The following MRPL48 variants were observed in gnomAD, a reference collection of about 807,000 sequenced individuals.
The protein encoded by MRPL48 is large ribosomal subunit protein mL48.
MRPL48 carries 16 observed loss-of-function variants against 32.9 expected under a neutral mutation model. That is an observed-to-expected ratio of 0.49 (90% confidence interval 0.33 to 0.74). The LOEUF (loss-of-function observed/expected upper bound fraction) is 0.74. Among genes scored for constraint, MRPL48 ranks in the 30% least tolerant of loss-of-function variants. The pLI is 0.02. For synonymous variants in MRPL48, 94 were observed against 89.2 expected, an observed-to-expected ratio of 1.05 and a Z score of -0.31; for missense variants, 206 against 245.3, an observed-to-expected ratio of 0.84 and a Z score of 1.07.
chr11:73,788,022 G>A (rs770843176), intron 1 of MRPL48, 30 bp downstream of exon 1: 26 of 1,451,442 alleles, frequency 1.8e-5, no homozygotes, highest in Non-Finnish European at 2.4e-5. Flanking sequence ...CGCGGGGCGC[G>A]GGGAGATGGC....
At chr11:73,835,307 G>T (rs924543166) in intron 4 of MRPL48, among the ~76,000 whole-genome samples, 4 of 151,770 alleles carry the variant, frequency 2.6e-5, no homozygotes, top group African/African-American at 9.7e-5. Context: ...ATGCCCAGCA[G>T]ATTTTTGTAT....
intron 3 of MRPL48, among the ~76,000 whole-genome samples, chr11:73,813,639 T>C (rs1346569768): frequency 6.6e-6 from 1 of 152,216 alleles, no homozygotes; most frequent in African/African-American, 2.4e-5. Context: ...TGTTTGTGTT[T>C]TCTCCATTAA....
Position 73,791,756 on chromosome 11 carries a change from T to TGTATCTGGCCTAAAGTAG in MRPL48, c.21+3768_21+3785dup, listed in dbSNP as rs1302042421. Among the ~76,000 whole-genome samples, 2 of 152,150 alleles carry TGTATCTGGCCTAAAGTAG rather than the reference T, an allele frequency of 1.3e-5. 1 individual carries two copies. Among genetic ancestry groups the TGTATCTGGCCTAAAGTAG allele is most frequent in the East Asian group, 3.9e-4 (2 of 5,194 alleles). ...TTGTCTATATGCACCCACCCTATAG[T>TGTATCTGGCCTAAAGTAG]GTATCTGGCCTAAAGTAGGTACCTG... On this transcript the variant is annotated intron_variant, in intron 1 of 7. Coordinates refer to ENST00000310614, the MANE Select transcript of MRPL48 (RefSeq NM_016055.6).
chr11:73,816,689 C>G (rs1808129084), intron 3 of MRPL48, among the ~76,000 whole-genome samples: 1 of 151,790 alleles, frequency 6.6e-6, no homozygotes, highest in South Asian at 2.1e-4. Flanking sequence ...GTCTCGAACT[C>G]CCGACCTTAG....
In MRPL48 at chr11:73,812,717, A is replaced by AATATATATATATATAT. The variant is rs370608269; in HGVS notation, c.112+4376_112+4391dup. Among the ~76,000 whole-genome samples the AATATATATATATATAT allele has an allele frequency of 5.8e-4, 79 of 135,540 alleles. 1 individual carries two copies. The highest frequency in any genetic ancestry group is 1.7e-3 in the African/African-American group (60 of 34,848). The allele number at this position is 135,540 out of a possible 152,430, so 88.9% of individuals were successfully genotyped here. ...GCGACAGAGCAGGATCCCATGTCTA[A>AATATATATATATATAT]ATATATATATATATATATATATATT... On this transcript the variant is annotated intron_variant, in intron 3 of 7. Coordinates refer to ENST00000310614, the MANE Select transcript of MRPL48 (RefSeq NM_016055.6).
At chr11:73,850,565 C>A in intron 5 of MRPL48, 1 of 372,530 alleles carries the variant, frequency 2.7e-6, no homozygotes, top group Non-Finnish European at 5.2e-6. Context: ...TGACTGCATC[C>A]ATTTCAACTT....
At chr11:73,813,002 C>T (rs753045896) in intron 3 of MRPL48, among the ~76,000 whole-genome samples, 8 of 151,428 alleles carry the variant, frequency 5.3e-5, no homozygotes, top group Non-Finnish European at 8.8e-5. Flanking sequence ...CCACCCACCT[C>T]GGTCTCCCAT....
At chr11:73,808,043 G>A (rs1947490341) in intron 2 of MRPL48, among the ~76,000 whole-genome samples, 1 of 152,088 alleles carries the variant, frequency 6.6e-6, no homozygotes, top group Non-Finnish European at 1.5e-5. Flanking sequence ...TTCTGTTCTG[G>A]ATCAATACTA....
At chr11:73,854,045 T>C (rs375355756) in intron 5 of MRPL48, among the ~76,000 whole-genome samples, 1 of 152,172 alleles carries the variant, frequency 6.6e-6, no homozygotes, top group Non-Finnish European at 1.5e-5. Context: ...TCACAGAATG[T>C]TACTATCATA....
intron 4 of MRPL48, among the ~76,000 whole-genome samples, chr11:73,836,963 G>A (rs72989258): frequency 0.011 from 1,706 of 152,218 alleles, 20 homozygotes; most frequent in Non-Finnish European, 0.013. Flanking sequence ...TCAGAGCCAG[G>A]CCTTTTGTCC....
At chr11:73,834,596 C>T (rs539567029) in intron 4 of MRPL48, among the ~76,000 whole-genome samples, 10 of 149,980 alleles carry the variant, frequency 6.7e-5, no homozygotes, top group African/African-American at 2.5e-4. Context: ...TGCAGCGGCG[C>T]GATCTCGGCT....
rs1948251627 is a variant in MRPL48 at position 73,844,577 on chromosome 11, A to C, written c.202-230A>C. On this transcript the variant is annotated intron_variant, in intron 4 of 7. Transcript: ENST00000310614. ...TCATGTTCAAGTAATTCATGTATTC[A>C]AGTAATGACAGCAATATTCTCTCCT... Among the ~76,000 whole-genome samples the C allele has an allele frequency of 3.9e-5, 6 of 152,312 alleles. No individual in the cohort carries two copies. The South Asian group carries it at 1.0e-3, about 26-fold the overall frequency.
intron 3 of MRPL48, among the ~76,000 whole-genome samples, chr11:73,816,047 T>A (rs960119629): frequency 4.0e-5 from 6 of 151,370 alleles, no homozygotes; most frequent in Non-Finnish European, 8.8e-5. Context: ...TTTATTTTTT[T>A]ATTTTATTTT....
rs202232453 is a variant in MRPL48 at position 73,863,179 on chromosome 11, G to T, written c.482G>T (p.Gly161Val). The change falls in exon 7 of 8, where the codon GGT becomes GTT. Residue 161 changes from glycine to valine, a missense_variant. By Grantham distance (109) the Gly-to-Val change is moderately radical. Transcript: ENST00000310614. ...TTHERVVQIS[G>V]LSATFAEIFL... Reference sequence around the variant, plus strand: ...CCTTCTTTCATTTTGCAGATCAGCGGTTTGAGTGCTACGTTTGCAGAAATT... The same window carrying T: ...CCTTCTTTCATTTTGCAGATCAGCGTTTTGAGTGCTACGTTTGCAGAAATT... 8.2e-6 allele frequency: 13 copies of T among 1,582,024 alleles called. No homozygotes were observed. The highest frequency in any genetic ancestry group is 3.5e-5 in the South Asian group (3 of 86,250).
chr11:73,845,588 C>T (rs544818171), intron 5 of MRPL48, among the ~76,000 whole-genome samples: 1 of 152,174 alleles, frequency 6.6e-6, no homozygotes, highest in African/African-American at 2.4e-5. Context: ...GCCTGGGCAA[C>T]ATAGCGAGAC....
At chr11:73,856,346 G>T (rs1210398524) in intron 5 of MRPL48, among the ~76,000 whole-genome samples, 1 of 152,072 alleles carries the variant, frequency 6.6e-6, no homozygotes, top group Non-Finnish European at 1.5e-5. Flanking sequence ...CTTGGGGGAG[G>T]GTGGGTAGGG....
intron 1 of MRPL48, among the ~76,000 whole-genome samples, chr11:73,793,435 T>C (rs1461303990): frequency 6.6e-6 from 1 of 152,178 alleles, no homozygotes; most frequent in Non-Finnish European, 1.5e-5. Context: ...ATGCTGCAAA[T>C]GAAAGATTCA....
chr11:73,808,466 AC>A, intron 3 of MRPL48, 116 bp downstream of exon 3: 1 of 983,528 alleles, frequency 1.0e-6, no homozygotes, highest in Non-Finnish European at 1.5e-6. Context: ...CCTGAACCAA[AC>A]CCCACCCCTC....
chr11:73,794,150 C>T (rs890366193), intron 1 of MRPL48, among the ~76,000 whole-genome samples: 1 of 151,742 alleles, frequency 6.6e-6, no homozygotes, highest in Non-Finnish European at 1.5e-5. Flanking sequence ...GATCACCCTA[C>T]AGCACTCCAG....
Sources: allele counts gnomAD v4.1 joint callset (sites outside exome capture counted in the v4.1 genomes callset), GRCh38; gene constraint gnomAD v4.1.1; transcripts MANE v1.5; gene names NCBI Gene and HGNC (gene_info 2026-07-23, HGNC 2026-07-21).